Variants in NUP37 observed in about 807,000 individuals in gnomAD.
NUP37 encodes the protein nucleoporin Nup37.
NUP37 carries 33 observed loss-of-function variants against 45.4 expected under a neutral mutation model. That is an observed-to-expected ratio of 0.73 (90% CI 0.55 to 0.97). The LOEUF is 0.97. NUP37 is among the 50% of genes least tolerant of loss of function. The probability of loss-of-function intolerance (pLI) is 0.00; values close to 1 mark genes in which losing one functional copy is unlikely to be tolerated. For synonymous variants in NUP37, 127 were observed against 130.7 expected (o/e 0.97, Z 0.19); for missense variants, 365 against 389.7 (o/e 0.94, Z 0.53).
chr12:102,094,945 T>C (rs754357465), intron 5 of NUP37, among the ~76,000 whole-genome samples: 2 of 152,164 alleles, frequency 1.3e-5, no homozygotes, highest in Admixed American at 6.5e-5. Flanking sequence ...TTTTAAAAGA[T>C]TATTGAGGGA....
At chr12:102,097,507 C>T (rs1219214731) in intron 5 of NUP37, among the ~76,000 whole-genome samples, 1 of 152,090 alleles carries the variant, frequency 6.6e-6, no homozygotes, top group East Asian at 1.9e-4. Context: ...CTATGTCAGT[C>T]CCCTAAATTT....
intron 3 of NUP37, among the ~76,000 whole-genome samples, chr12:102,107,080 T>C (rs1020543528): frequency 9.9e-5 from 15 of 152,212 alleles, no homozygotes; most frequent in Admixed American, 2.0e-4. Context: ...GTTAGTGAGA[T>C]GGATTTGAGA....
intron 5 of NUP37, among the ~76,000 whole-genome samples, chr12:102,092,354 TTAAG>T (rs571108206): frequency 6.6e-5 from 10 of 152,132 alleles, no homozygotes; most frequent in South Asian, 2.1e-4. Context: ...TATTGATTAA[TTAAG>T]TAAGAAAGAA....
chr12:102,076,692 GAA>G, intron 8 of NUP37, 103 bp downstream of exon 8: 2 of 820,286 alleles, frequency 2.4e-6, no homozygotes, highest in African/African-American at 1.8e-5. Flanking sequence ...AACAATAAGG[GAA>G]AAAAAAAATC....
intron 5 of NUP37, among the ~76,000 whole-genome samples, chr12:102,093,877 T>C (rs1188484200): frequency 6.6e-6 from 1 of 152,086 alleles, no homozygotes; most frequent in African/African-American, 2.4e-5. Context: ...TGGTGATATA[T>C]TTTATTAAGC....
chr12:102,083,837 T>G (rs1399113286), intron 6 of NUP37, among the ~76,000 whole-genome samples: 1 of 152,174 alleles, frequency 6.6e-6, no homozygotes, highest in Non-Finnish European at 1.5e-5. Context: ...TGTAAAACAC[T>G]GGCTGGAGAA....
intron 6 of NUP37, among the ~76,000 whole-genome samples, chr12:102,083,970 TA>T (rs1879400678): frequency 6.6e-6 from 1 of 152,158 alleles, no homozygotes; most frequent in Non-Finnish European, 1.5e-5. Flanking sequence ...GAAATGAAGT[TA>T]AAAGGTACAA....
intron 5 of NUP37, among the ~76,000 whole-genome samples, chr12:102,086,230 A>G (rs564804369): frequency 1.1e-3 from 161 of 152,288 alleles, no homozygotes; most frequent in African/African-American, 3.6e-3. Context: ...ATTTCAACTG[A>G]CGATAATTAC....
chr12:102,104,669 C>T (rs1006539953), intron 3 of NUP37, among the ~76,000 whole-genome samples: 1 of 152,162 alleles, frequency 6.6e-6, no homozygotes, highest in Non-Finnish European at 1.5e-5. Flanking sequence ...CTGCATGATA[C>T]TCAGTTTATT....
At chr12:102,098,807 T>C (rs1307014126) in intron 5 of NUP37, among the ~76,000 whole-genome samples, 3 of 152,276 alleles carry the variant, frequency 2.0e-5, no homozygotes, top group Admixed American at 6.5e-5. Context: ...GCTGAGATTA[T>C]AGGCATGTGG....
At chr12:102,076,735 C>A in intron 8 of NUP37, 62 bp downstream of exon 8, 1 of 1,358,586 alleles carries the variant, frequency 7.4e-7, no homozygotes, top group Non-Finnish European at 1.0e-6. Context: ...CAAAAGTATC[C>A]CAGTGGTGGC....
intron 3 of NUP37, among the ~76,000 whole-genome samples, chr12:102,111,489 T>G (rs565279551): frequency 1.3e-5 from 2 of 152,332 alleles, no homozygotes; most frequent in Non-Finnish European, 2.9e-5. Context: ...TAACTTTTAG[T>G]TCCTAAGTAC....
intron 5 of NUP37, among the ~76,000 whole-genome samples, chr12:102,098,062 A>T (rs969522664): frequency 1.1e-4 from 17 of 152,362 alleles, no homozygotes; most frequent in African/African-American, 4.1e-4. Context: ...ATTTTGGCAT[A>T]GTTTTATGAA....
chr12:102,111,969 G>A, intron 3 of NUP37, 139 bp downstream of exon 3: 1 of 736,026 alleles, frequency 1.4e-6, no homozygotes, highest in South Asian at 2.1e-5. Context: ...TTATTAAGTA[G>A]TAGCAAATAT....
chr12:102,098,680 C>T (rs1879883807), intron 5 of NUP37, among the ~76,000 whole-genome samples: 1 of 152,056 alleles, frequency 6.6e-6, no homozygotes, highest in Non-Finnish European at 1.5e-5. Context: ...CACAAGTGCG[C>T]ACTACCGTGC....
intron 3 of NUP37, among the ~76,000 whole-genome samples, chr12:102,108,151 A>G (rs1224780244): frequency 6.6e-6 from 1 of 152,172 alleles, no homozygotes; most frequent in Admixed American, 6.5e-5. Context: ...CATCTGAGTC[A>G]GTGGAGTGGG....
chr12:102,107,897 T>C (rs959303207), intron 3 of NUP37, among the ~76,000 whole-genome samples: 5 of 152,108 alleles, frequency 3.3e-5, no homozygotes, highest in Non-Finnish European at 2.9e-5. Flanking sequence ...CTGATAGCCT[T>C]TAAGGGGAAG....
chr12:102,077,016 G>T, intron 7 of NUP37, 169 bp from the exon 8 acceptor site: 1 of 621,370 alleles, frequency 1.6e-6, no homozygotes, highest in Non-Finnish European at 2.8e-6. Flanking sequence ...ATAAAGACAT[G>T]ACTTAGAACC....
intron 5 of NUP37, among the ~76,000 whole-genome samples, chr12:102,088,002 C>T (rs1879520922): frequency 1.3e-5 from 2 of 152,038 alleles, no homozygotes; most frequent in Admixed American, 1.3e-4. Flanking sequence ...AAACAAAAAC[C>T]TGACTTAAAA....
Sources: allele counts gnomAD v4.1 joint callset (sites outside exome capture counted in the v4.1 genomes callset), GRCh38; gene constraint gnomAD v4.1.1; transcripts MANE v1.5; gene names NCBI Gene and HGNC (gene_info 2026-07-23, HGNC 2026-07-21).